The following RANBP17 variants were observed in gnomAD, a reference collection of about 807,000 sequenced individuals.
The protein encoded by RANBP17 is RAN binding protein 17, also known as ran-binding protein 17.
Under a neutral mutation model 141.2 loss-of-function variants are expected in RANBP17, and 158 were observed. The observed-to-expected ratio is 1.12, with a 90% CI of 0.98 to 1.28. The LOEUF (loss-of-function observed/expected upper bound fraction) is 1.28, where lower values mean the gene tolerates loss of function less well. Ranked by LOEUF, RANBP17 falls within the 50% of genes most tolerant of loss-of-function variation. RANBP17 has a pLI of 0.00. For synonymous variants in RANBP17, 430 were observed against 450.0 expected, an observed-to-expected ratio of 0.96 and a Z score of 0.56; for missense variants, 1,438 against 1,290.7, an observed-to-expected ratio of 1.11 and a Z score of -1.75.
chr5:171,111,688 T>A (rs2127760038), intron 14 of RANBP17, among the ~76,000 whole-genome samples: 1 of 152,360 alleles, frequency 6.6e-6, no homozygotes, highest in South Asian at 2.1e-4. Flanking sequence ...CCTTCACTAC[T>A]TTTGGGCCCT....
chr5:170,944,482 G>T (rs967379064), intron 12 of RANBP17, among the ~76,000 whole-genome samples: 1 of 152,146 alleles, frequency 6.6e-6, no homozygotes, highest in South Asian at 2.1e-4. Flanking sequence ...TGGCCAGGCT[G>T]GTCTCGAGCC....
intron 14 of RANBP17, among the ~76,000 whole-genome samples, chr5:170,987,303 A>G (rs938887375): frequency 1.1e-4 from 16 of 151,656 alleles, no homozygotes; most frequent in African/African-American, 3.6e-4. Flanking sequence ...AGCTTTTCAG[A>G]CTATTTCTGG....
At position 170,945,243 on chromosome 5, in the gene RANBP17, G is replaced by C. The variant is rs369568950; in HGVS notation, c.1469-8354G>C. Among the ~76,000 whole-genome samples the C allele has an allele frequency of 5.9e-5, 9 of 152,212 alleles. No individual in the cohort carries two copies. In the East Asian group the frequency reaches 1.7e-3, roughly 29 times the overall value. On this transcript the variant is annotated intron_variant, in intron 12 of 27. Transcript: ENST00000523189. ...TGTAATAAGCCTCTTTGGTAGAGAG[G>C]AAAGAACTTAAAAATTCTTATTGTG...
At chr5:171,009,014 C>A (rs982820700) in intron 14 of RANBP17, among the ~76,000 whole-genome samples, 2 of 152,180 alleles carry the variant, frequency 1.3e-5, no homozygotes, top group African/African-American at 4.8e-5. Context: ...ATTTATTTGG[C>A]ACTGCTAAAT....
intron 14 of RANBP17, among the ~76,000 whole-genome samples, chr5:171,149,634 A>C (rs539005986): frequency 6.6e-6 from 1 of 152,296 alleles, no homozygotes; most frequent in South Asian, 2.1e-4. Flanking sequence ...ATTGTACTTG[A>C]GCAATATAGA....
At chr5:170,931,004 TG>T (rs1374486153) in intron 12 of RANBP17, among the ~76,000 whole-genome samples, 1 of 152,220 alleles carries the variant, frequency 6.6e-6, no homozygotes, top group African/African-American at 2.4e-5. Context: ...CCACAATGGT[TG>T]AACTAGTTTA....
intron 11 of RANBP17, 49 bp downstream of exon 11, chr5:170,919,662 AT>A (rs1772269003): frequency 5.0e-6 from 7 of 1,390,262 alleles, no homozygotes; most frequent in Non-Finnish European, 5.8e-6. Flanking sequence ...GACACTTGGA[AT>A]TTTTTAAGAT....
intron 14 of RANBP17, among the ~76,000 whole-genome samples, chr5:171,111,161 A>G (rs1389619189): frequency 2.0e-5 from 3 of 152,158 alleles, no homozygotes; most frequent in East Asian, 3.9e-4. Flanking sequence ...TTCTTCTTGT[A>G]TCTGCTGTTT....
chr5:171,257,692 A>G (rs894993257), intron 24 of RANBP17, among the ~76,000 whole-genome samples: 1 of 152,240 alleles, frequency 6.6e-6, no homozygotes, highest in Non-Finnish European at 1.5e-5. Flanking sequence ...TTTGATAAAT[A>G]AATGCACTAA....
chr5:171,280,336 G>A (rs1356006894), intron 25 of RANBP17, among the ~76,000 whole-genome samples: 2 of 152,056 alleles, frequency 1.3e-5, no homozygotes, highest in African/African-American at 4.8e-5. Flanking sequence ...GGAGTGCAGT[G>A]GCACAATCTC....
chr5:171,099,533 T>C (rs1039147202), intron 14 of RANBP17, among the ~76,000 whole-genome samples: 4 of 152,194 alleles, frequency 2.6e-5, no homozygotes, highest in African/African-American at 9.6e-5. Context: ...AAATATACAA[T>C]CATGTCATCT....
At chr5:171,146,770 A>T (rs1157292881) in intron 14 of RANBP17, among the ~76,000 whole-genome samples, 2 of 152,168 alleles carry the variant, frequency 1.3e-5, no homozygotes, top group Admixed American at 6.5e-5. Flanking sequence ...TAAACCAGAA[A>T]ATATATACAT....
intron 20 of RANBP17, chr5:171,206,213 A>G (rs1484305388): frequency 6.2e-6 from 1 of 161,698 alleles, no homozygotes; most frequent in Non-Finnish European, 1.4e-5. Context: ...CTTTGGTGAT[A>G]GACAGACCCG....
rs140418403 is a variant in RANBP17, at chr5:171,157,664, C to T, written c.1711-12466C>T. On this transcript the variant is annotated intron_variant, in intron 14 of 27. Transcript: ENST00000523189. Reference sequence around the variant, plus strand: ...ACAAAAGGAAACATCTGTATGATAGCGCATGGTTAAAGCTGCCATCAATTT... The same window carrying T: ...ACAAAAGGAAACATCTGTATGATAGTGCATGGTTAAAGCTGCCATCAATTT... 6.2e-4 allele frequency among the ~76,000 whole-genome samples: 95 copies of T among 152,306 alleles called. 2 individuals carry two copies. In the East Asian group the frequency reaches 0.016, roughly 26 times the overall value.
intron 14 of RANBP17, among the ~76,000 whole-genome samples, chr5:171,148,887 A>C (rs904653408): frequency 1.3e-5 from 2 of 152,194 alleles, no homozygotes; most frequent in African/African-American, 4.8e-5. Context: ...TGATTAAATG[A>C]GATAAAGTAT....
chr5:171,002,439 A>C (rs1779280827), intron 14 of RANBP17, among the ~76,000 whole-genome samples: 1 of 152,128 alleles, frequency 6.6e-6, no homozygotes, highest in African/African-American at 2.4e-5. Flanking sequence ...GTATGACTCC[A>C]GCTTCCTTTG....
chr5:170,891,740 A>C (rs1769630216), intron 3 of RANBP17, among the ~76,000 whole-genome samples: 1 of 152,160 alleles, frequency 6.6e-6, no homozygotes, highest in African/African-American at 2.4e-5. Flanking sequence ...GAGAACATCA[A>C]GATGGAAATC....
chr5:171,299,067 A>G lies in RANBP17; in HGVS notation c.*209A>G, dbSNP rs1044999. 45,502 of 462,460 alleles carry G rather than the reference A, an allele frequency of 0.098. 2,726 individuals are homozygous for G. The highest frequency in any genetic ancestry group is 0.17 in the Admixed American group (4,711 of 27,466). The allele number at this position is 462,460 out of a possible 1,614,324, so 28.6% of individuals were successfully genotyped here. On this transcript the variant is annotated 3_prime_UTR_variant, in exon 28 of 28. Coordinates refer to ENST00000523189, the MANE Select transcript of RANBP17 (RefSeq NM_022897.5). ...AATTCAGTCTTTTCTCTGAAAAGCA[A>G]AGGATGTGTTTTCAGTCTTTCTATC...
At chr5:171,087,329 T>C (rs1440109853) in intron 14 of RANBP17, among the ~76,000 whole-genome samples, 24 of 151,942 alleles carry the variant, frequency 1.6e-4, no homozygotes, top group Admixed American at 2.6e-4. Flanking sequence ...GTCTGAGAGA[T>C]AGTTTGTTAT....
Sources: gnomAD v4.1 joint callset for allele counts (sites outside exome capture counted in the v4.1 genomes callset) on GRCh38, gnomAD v4.1.1 for gene constraint, MANE v1.5 for transcripts, NCBI Gene and HGNC (gene_info 2026-07-23, HGNC 2026-07-21) for gene names.